Variants in VAV2 observed in about 807,000 individuals in gnomAD.
VAV2 encodes vav guanine nucleotide exchange factor 2.
In VAV2, 67 loss-of-function variants were observed where a neutral mutation model predicts 132.5. The ratio of observed to expected loss-of-function variants is 0.51; its 90% CI spans 0.42 to 0.62. The LOEUF (loss-of-function observed/expected upper bound fraction) is 0.62. Among genes scored for constraint, VAV2 ranks in the 20% least tolerant of loss-of-function variants. The pLI is 0.00. For synonymous variants in VAV2, 492 were observed against 443.5 expected, an observed-to-expected ratio of 1.11 and a Z score of -1.37; for missense variants, 938 against 1,153.6, an observed-to-expected ratio of 0.81 and a Z score of 2.71.
At chr9:133,844,901 C>A (rs1294045969) in intron 3 of VAV2, among the ~76,000 whole-genome samples, 2 of 152,250 alleles carry the variant, frequency 1.3e-5, no homozygotes, top group Non-Finnish European at 2.9e-5. Context: ...CCATGAGGGC[C>A]CCAGACAGCT....
intron 1 of VAV2, among the ~76,000 whole-genome samples, chr9:133,972,464 C>T (rs890550585): frequency 3.4e-5 from 5 of 145,916 alleles, no homozygotes; most frequent in Admixed American, 2.1e-4. Flanking sequence ...AAGAAAGCAG[C>T]GGAGAGCCCA....
In VAV2 at chr9:133,768,139, A is replaced by G. The variant is rs527526902; in HGVS notation, c.2589+303T>C. On this transcript the variant is annotated intron_variant, in intron 29 of 29. Coordinates refer to ENST00000371850, the MANE Select transcript of VAV2 (RefSeq NM_001134398.2). The surrounding 1 kb of genome is among the most constrained non-coding windows in gnomAD (Gnocchi z 5.3). ...TGCAAGTAATTTGGCGAGTGCAGCT[A>G]TGAGGGCAGCCCAGAATAAAAATGG... Among the ~76,000 whole-genome samples the G allele has an allele frequency of 3.3e-5, 5 of 152,242 alleles. No individual in the cohort carries two copies. The South Asian group carries it at 6.2e-4, about 19-fold the overall frequency.
At chr9:133,796,150 C>T (rs1010048901) in intron 11 of VAV2, among the ~76,000 whole-genome samples, 2 of 152,244 alleles carry the variant, frequency 1.3e-5, no homozygotes, top group Non-Finnish European at 2.9e-5. Context: ...CAGAGACCAA[C>T]CACAGTAGCT....
chr9:133,852,533 G>A (rs938137994), intron 3 of VAV2, among the ~76,000 whole-genome samples: 3 of 152,278 alleles, frequency 2.0e-5, no homozygotes, highest in Admixed American at 6.5e-5. Flanking sequence ...GACAATGGCT[G>A]TGATGATCCG....
In VAV2 at chr9:133,784,767, A is replaced by G. The variant is rs556378344; in HGVS notation, c.1533-349T>C. On this transcript the variant is annotated intron_variant, in intron 17 of 29. Transcript: ENST00000371850. The stretch of plus-strand genomic sequence containing the variant: ...TTAAGATTTGTTTGCCTCATTGGAT[A>G]TAAGCTTGAAATTTCAGAAGCTAAA... Among the ~76,000 whole-genome samples, 296 of 152,272 alleles carry G rather than the reference A, an allele frequency of 1.9e-3. 3 individuals are homozygous for G. Among genetic ancestry groups the G allele is most frequent in the African/African-American group, 6.7e-3 (280 of 41,548 alleles).
chr9:133,887,162 T>TG (rs1366112556), intron 2 of VAV2, among the ~76,000 whole-genome samples: 1 of 152,176 alleles, frequency 6.6e-6, no homozygotes, highest in Non-Finnish European at 1.5e-5. Context: ...GGCCATCTGC[T>TG]GGGCCCATTC....
intron 4 of VAV2, among the ~76,000 whole-genome samples, chr9:133,817,783 T>C (rs12345332): frequency 0.18 from 27,412 of 152,118 alleles, 2,810 homozygotes; most frequent in African/African-American, 0.27. Flanking sequence ...CACTTTTCAG[T>C]AGTTTCTATT....
intron 4 of VAV2, among the ~76,000 whole-genome samples, chr9:133,822,834 G>C (rs1835848098): frequency 6.6e-6 from 1 of 152,132 alleles, no homozygotes; most frequent in Non-Finnish European, 1.5e-5. Flanking sequence ...AGGTCACAAG[G>C]ACTAGGCCCA....
chr9:133,903,014 G>A lies in VAV2; in HGVS notation c.321+36089C>T, dbSNP rs999193319. Among the ~76,000 whole-genome samples, 7 of 150,556 alleles carry A rather than the reference G, an allele frequency of 4.6e-5. No homozygotes were observed. In the East Asian group the frequency reaches 1.4e-3, roughly 29 times the overall value. The stretch of plus-strand genomic sequence containing the variant: ...CACTTGAACCCGGGAAGTAGAGGTT[G>A]TAGTGAGCCAAGATCAGGCCACTGC... On this transcript the variant is annotated intron_variant, in intron 2 of 29. Coordinates refer to ENST00000371850, the MANE Select transcript of VAV2 (RefSeq NM_001134398.2).
chr9:133,861,085 G>A, intron 3 of VAV2: 1 of 368,564 alleles, frequency 2.7e-6, no homozygotes, highest in Non-Finnish European at 5.0e-6. Flanking sequence ...ATTTAGGTAG[G>A]CAATGATCTG....
At chr9:133,785,691 G>T in intron 17 of VAV2, 85 bp downstream of exon 17, 2 of 1,339,576 alleles carry the variant, frequency 1.5e-6, no homozygotes, top group Non-Finnish European at 2.1e-6. Flanking sequence ...GGTCTGAGAG[G>T]AACCACAGAC....
intron 1 of VAV2, among the ~76,000 whole-genome samples, chr9:133,988,497 G>C (rs1312915153): frequency 6.6e-6 from 1 of 152,154 alleles, no homozygotes; most frequent in East Asian, 1.9e-4. Context: ...ATTAAACACA[G>C]GCAGCAACCC....
At chr9:133,923,413 G>A (rs535981965) in intron 2 of VAV2, among the ~76,000 whole-genome samples, 13 of 152,166 alleles carry the variant, frequency 8.5e-5, no homozygotes, top group African/African-American at 1.9e-4. Context: ...CACTGGTCAC[G>A]AGAGAAACGC....
chr9:133,992,087 C>G lies in VAV2; in HGVS notation c.192G>C (p.Pro64=), dbSNP rs1335568222. 6.3e-7 allele frequency: 1 copy of G among 1,576,732 alleles called. No homozygotes were observed. The highest frequency in any genetic ancestry group is 8.6e-7 in the Non-Finnish European group (1 of 1,162,854). Residue 64 remains proline, a synonymous_variant, in exon 1 of 30, where the codon CCG becomes CCC. Transcript: ENST00000371850. This position sits in a 1 kb window ranked among gnomAD's most constrained non-coding sequence, Gnocchi z 5.5. ...GCCGGGCGCTCACCTGGGACATCTG[C>G]GGCCGGAAGTTGATGTCCTTGAGGT... The part of the protein sequence containing the change: ...SIDLKDINFR[P]QMSQFLCLKN...
At chr9:133,778,686 CT>C in intron 22 of VAV2, 75 bp downstream of exon 22, 1 of 1,572,120 alleles carries the variant, frequency 6.4e-7, no homozygotes, top group South Asian at 1.2e-5. Context: ...ATGTGCAGGA[CT>C]TTATGCTTCT....
intron 8 of VAV2, 88 bp downstream of exon 8, chr9:133,807,170 C>A: frequency 6.9e-7 from 1 of 1,453,322 alleles, no homozygotes; most frequent in East Asian, 2.4e-5. Context: ...TGCAGCTCTC[C>A]AAGGCCCTGA....
intron 12 of VAV2, 25 bp from the exon 13 acceptor site, chr9:133,791,894 G>C: frequency 2.5e-6 from 4 of 1,603,674 alleles, no homozygotes; most frequent in Non-Finnish European, 3.4e-6. Flanking sequence ...GCAGAGGTGA[G>C]CGGGCTGTGC....
intron 4 of VAV2, among the ~76,000 whole-genome samples, chr9:133,828,714 A>C (rs1441817367): frequency 6.6e-6 from 1 of 152,310 alleles, no homozygotes; most frequent in African/African-American, 2.4e-5. Flanking sequence ...GAACTTCCAC[A>C]ATTCTGATTC....
chr9:133,882,186 G>A (rs1280653265), intron 2 of VAV2, among the ~76,000 whole-genome samples: 2 of 152,250 alleles, frequency 1.3e-5, no homozygotes, highest in Non-Finnish European at 2.9e-5. Context: ...AGGGCAGGAA[G>A]CAGACTGTCA....
Sources: allele counts gnomAD v4.1 joint callset (sites outside exome capture counted in the v4.1 genomes callset), GRCh38; gene constraint gnomAD v4.1.1; non-coding constraint Gnocchi (gnomAD v3.1); transcripts MANE v1.5; gene names NCBI Gene and HGNC (gene_info 2026-07-23, HGNC 2026-07-21).